Variants in DPP10 observed in about 807,000 individuals in gnomAD.
DPP10 encodes dipeptidyl peptidase like 10, also known as inactive dipeptidyl peptidase 10.
A neutral mutation model predicts 120.9 loss-of-function variants in DPP10; 33 were observed. The observed-to-expected ratio is 0.27, with a 90% CI of 0.21 to 0.37. The LOEUF is 0.37. Among genes scored for constraint, DPP10 ranks in the 10% least tolerant of loss-of-function variants. The pLI, the probability that DPP10 is intolerant of heterozygous loss-of-function variation, is 1.00. For synonymous variants in DPP10, 337 were observed against 326.1 expected, an observed-to-expected ratio of 1.03 and a Z score of -0.36; for missense variants, 816 against 942.8, an observed-to-expected ratio of 0.87 and a Z score of 1.76.
chr2:115,336,840 A>C (rs958501733), intron 2 of DPP10, among the ~76,000 whole-genome samples: 20 of 152,104 alleles, frequency 1.3e-4, no homozygotes, highest in African/African-American at 4.8e-4. Context: ...TTTTTTTCTG[A>C]GCCACCTTCT....
At chr2:115,640,053 C>T (rs1231442910) in intron 5 of DPP10, among the ~76,000 whole-genome samples, 1 of 150,824 alleles carries the variant, frequency 6.6e-6, no homozygotes, top group African/African-American at 2.4e-5. Flanking sequence ...TGGGCCTATA[C>T]TCTAATTTAG....
intron 1 of DPP10, among the ~76,000 whole-genome samples, chr2:114,639,962 AT>A (rs199678105): frequency 2.0e-5 from 3 of 151,704 alleles, no homozygotes; most frequent in Non-Finnish European, 4.4e-5. Context: ...ATTTTCTTTG[AT>A]TTTTTTTGTT....
At chr2:115,162,217 CG>C in intron 1 of DPP10, 2 of 1,557,726 alleles carry the variant, frequency 1.3e-6, no homozygotes, top group African/African-American at 2.7e-5. Context: ...GCGTGCGCTC[CG>C]GGGCCCGGCG....
intron 1 of DPP10, among the ~76,000 whole-genome samples, chr2:115,049,234 A>C (rs574780992): frequency 8.1e-4 from 124 of 152,210 alleles, no homozygotes; most frequent in African/African-American, 2.9e-3. Flanking sequence ...ATAATGATGA[A>C]GTTGGGCAGC....
At chr2:115,079,102 C>T (rs540318879) in intron 1 of DPP10, among the ~76,000 whole-genome samples, 6 of 152,294 alleles carry the variant, frequency 3.9e-5, no homozygotes, top group Non-Finnish European at 5.9e-5. Context: ...AATCCTCGGC[C>T]GGGCGCGGTG....
At chr2:114,958,126 C>CA (rs982476517) in intron 1 of DPP10, among the ~76,000 whole-genome samples, 4 of 151,530 alleles carry the variant, frequency 2.6e-5, no homozygotes, top group African/African-American at 9.7e-5. Flanking sequence ...AATTTATAGA[C>CA]AAAAAAAAGA....
At chr2:115,464,919 T>C (rs2074226259) in intron 3 of DPP10, among the ~76,000 whole-genome samples, 1 of 152,080 alleles carries the variant, frequency 6.6e-6, no homozygotes, top group African/African-American at 2.4e-5. Flanking sequence ...TCTAAAAGGC[T>C]CCTATCTACC....
chr2:114,553,342 T>A (rs1290648005), intron 1 of DPP10, among the ~76,000 whole-genome samples: 1 of 152,180 alleles, frequency 6.6e-6, no homozygotes, highest in African/African-American at 2.4e-5. Context: ...GGAAATTGGA[T>A]CCACAGCTGG....
intron 3 of DPP10, among the ~76,000 whole-genome samples, chr2:115,366,576 G>A (rs770589443): frequency 1.3e-5 from 2 of 151,928 alleles, no homozygotes; most frequent in Non-Finnish European, 2.9e-5. Context: ...TCAGTTAATT[G>A]GCTTATCTAC....
At chr2:115,161,657 C>T in intron 1 of DPP10, 1 of 290,334 alleles carries the variant, frequency 3.4e-6, no homozygotes, top group Non-Finnish European at 6.3e-6. Flanking sequence ...CCGCCGCTCG[C>T]CGCTGCACTA....
At chr2:115,722,128 C>G (rs1027642934) in intron 7 of DPP10, among the ~76,000 whole-genome samples, 1 of 151,876 alleles carries the variant, frequency 6.6e-6, no homozygotes, top group Non-Finnish European at 1.5e-5. Context: ...ACTAATCAAC[C>G]GACACAGAAT....
chr2:115,402,326 C>T (rs1384982355), intron 3 of DPP10, among the ~76,000 whole-genome samples: 1 of 152,018 alleles, frequency 6.6e-6, no homozygotes, highest in Non-Finnish European at 1.5e-5. Context: ...CAGGGGTGGA[C>T]CACCTGGGGT....
intron 1 of DPP10, among the ~76,000 whole-genome samples, chr2:114,672,226 T>C (rs10200571): frequency 0.18 from 27,474 of 151,916 alleles, 3,608 homozygotes; most frequent in African/African-American, 0.38. Context: ...TGATTTCAGT[T>C]TAATACAGTC....
In DPP10 at chr2:115,520,655, A is replaced by G. The variant is rs529191026; in HGVS notation, c.367-5243A>G. ...CAATGTTAAGGCAACCAAGTCCTTT[A>G]TACCAACTTGTATTAATTGTAACTG... On this transcript the variant is annotated intron_variant, in intron 4 of 25. Coordinates refer to ENST00000410059, the MANE Select transcript of DPP10 (RefSeq NM_020868.6). Among the ~76,000 whole-genome samples the G allele has an allele frequency of 1.4e-4, 22 of 152,318 alleles. No individual in the cohort carries two copies. The South Asian group carries it at 4.6e-3, about 32-fold the overall frequency.
intron 4 of DPP10, among the ~76,000 whole-genome samples, chr2:115,517,825 T>A (rs1433185092): frequency 6.6e-6 from 1 of 152,218 alleles, no homozygotes; most frequent in African/African-American, 2.4e-5. Flanking sequence ...TAGATATCTG[T>A]CTTATCTACT....
At chr2:115,443,185 T>G (rs2072238973) in intron 3 of DPP10, among the ~76,000 whole-genome samples, 1 of 152,204 alleles carries the variant, frequency 6.6e-6, no homozygotes, top group South Asian at 2.1e-4. Context: ...ACAAATATTT[T>G]AGCATGAATT....
intron 1 of DPP10, among the ~76,000 whole-genome samples, chr2:114,893,584 A>G (rs997101791): frequency 2.0e-5 from 3 of 152,166 alleles, no homozygotes; most frequent in Non-Finnish European, 2.9e-5. Flanking sequence ...TAGGAAACCC[A>G]AACAGATTAA....
chr2:114,802,005 G>A (rs1325239945), intron 1 of DPP10, among the ~76,000 whole-genome samples: 1 of 152,144 alleles, frequency 6.6e-6, no homozygotes, highest in Non-Finnish European at 1.5e-5. Flanking sequence ...AGTTCACTCA[G>A]TTTCTCTAAT....
At chr2:115,133,073 C>T (rs2050438987) in intron 1 of DPP10, among the ~76,000 whole-genome samples, 3 of 141,578 alleles carry the variant, frequency 2.1e-5, no homozygotes. Flanking sequence ...ATCCTAAAAT[C>T]TTAACAGAGC....
Sources: allele counts gnomAD v4.1 joint callset (sites outside exome capture counted in the v4.1 genomes callset), GRCh38; gene constraint gnomAD v4.1.1; transcripts MANE v1.5; gene names NCBI Gene and HGNC (gene_info 2026-07-23, HGNC 2026-07-21).